The following KLF12 variants were observed in gnomAD, a reference collection of about 807,000 sequenced individuals.
KLF12 encodes KLF transcription factor 12, also known as Krueppel-like factor 12.
Under a neutral mutation model 37.8 loss-of-function variants are expected in KLF12, and 9 were observed. The ratio of observed to expected loss-of-function variants is 0.24; its 90% CI spans 0.14 to 0.42. KLF12 has a LOEUF of 0.42. Among genes scored for constraint, KLF12 ranks in the 10% least tolerant of loss-of-function variants. The pLI is 1.00. For synonymous variants in KLF12, 208 were observed against 202.1 expected, an observed-to-expected ratio of 1.03 and a Z score of -0.25; for missense variants, 411 against 516.0, an observed-to-expected ratio of 0.80 and a Z score of 1.97.
chr13:73,709,063 G>A (rs1297076464), intron 7 of KLF12, among the ~76,000 whole-genome samples: 1 of 152,024 alleles, frequency 6.6e-6, no homozygotes, highest in Non-Finnish European at 1.5e-5. Flanking sequence ...AAAATACTTG[G>A]TCACATCTTC....
intron 4 of KLF12, among the ~76,000 whole-genome samples, chr13:73,815,068 T>A (rs1883142131): frequency 6.6e-6 from 1 of 151,892 alleles, no homozygotes; most frequent in Non-Finnish European, 1.5e-5. Flanking sequence ...CACTGTCATG[T>A]GACTCTGTAC....
At chr13:73,810,986 T>C (rs111548974) in intron 5 of KLF12, among the ~76,000 whole-genome samples, 56 of 50,182 alleles carry the variant, frequency 1.1e-3, no homozygotes, top group African/African-American at 2.4e-3. Flanking sequence ...TTCTTTCTTT[T>C]TTTTTTTTTT....
At position 73,824,307 on chromosome 13, in the gene KLF12, C is replaced by T. The variant is rs569602590; in HGVS notation, c.671-11020G>A. 4.6e-5 allele frequency among the ~76,000 whole-genome samples: 7 copies of T among 152,186 alleles called. No homozygotes were observed. In the South Asian group the frequency reaches 1.5e-3, roughly 32 times the overall value. ...GCAGTCTCACTCATAAACTGACCCCCGGTGCATAGGATTCTAACTTGGAAC... is the reference window on the plus strand; with the variant it reads ...GCAGTCTCACTCATAAACTGACCCCTGGTGCATAGGATTCTAACTTGGAAC... On this transcript the variant is annotated intron_variant, in intron 4 of 7. Transcript: ENST00000377669.
At chr13:73,877,831 A>G (rs567293890) in intron 3 of KLF12, among the ~76,000 whole-genome samples, 7 of 152,170 alleles carry the variant, frequency 4.6e-5, no homozygotes, top group Non-Finnish European at 8.8e-5. Context: ...GTGGTTCCCC[A>G]GCAAAGGCCT....
intron 3 of KLF12, among the ~76,000 whole-genome samples, chr13:73,886,648 G>T (rs1887235028): frequency 6.6e-6 from 1 of 152,066 alleles, no homozygotes; most frequent in Non-Finnish European, 1.5e-5. Context: ...AAAGAAAAAA[G>T]ACAGGAAAAC....
intron 1 of KLF12, among the ~76,000 whole-genome samples, chr13:74,043,217 A>C (rs571942977): frequency 6.6e-6 from 1 of 152,352 alleles, no homozygotes; most frequent in East Asian, 1.9e-4. Flanking sequence ...AAATAAAGAC[A>C]GTAATCCTTT....
At chr13:74,062,205 A>T (rs986205817) in intron 1 of KLF12, among the ~76,000 whole-genome samples, 1 of 152,070 alleles carries the variant, frequency 6.6e-6, no homozygotes, top group Admixed American at 6.6e-5. Context: ...GTAAAAAACG[A>T]CTCATCATGG....
At chr13:74,183,480 C>A in the KLF12 span, among the ~76,000 whole-genome samples, 1 of 152,128 alleles carries the variant, frequency 6.6e-6, no homozygotes, top group Non-Finnish European at 1.5e-5. Flanking sequence ...GACCAACACT[C>A]AGAAAACACT....
the KLF12 span, among the ~76,000 whole-genome samples, chr13:74,139,737 A>C: frequency 6.6e-6 from 1 of 152,150 alleles, no homozygotes; most frequent in Admixed American, 6.5e-5. Flanking sequence ...AATTCACAGC[A>C]AATTTGTTTT....
At chr13:74,047,819 T>C (rs555215076) in intron 1 of KLF12, among the ~76,000 whole-genome samples, 9 of 152,350 alleles carry the variant, frequency 5.9e-5, no homozygotes, top group African/African-American at 2.2e-4. Flanking sequence ...AAACGCTTTT[T>C]TGATTAAACA....
At chr13:74,100,633 A>ATG (rs1367682830) in intron 1 of KLF12, among the ~76,000 whole-genome samples, 20 of 151,782 alleles carry the variant, frequency 1.3e-4, no homozygotes, top group Non-Finnish European at 2.9e-4. Flanking sequence ...ATATATATAT[A>ATG]TGTATAAACA....
Position 73,692,059 on chromosome 13 carries a change from C to T in KLF12, c.*3431G>A, listed in dbSNP as rs1200044903. The T allele has an allele frequency of 7.9e-5, 12 of 152,554 alleles. No homozygotes were observed. The highest frequency in any genetic ancestry group is 7.9e-4 in the Admixed American group (12 of 15,270). The allele number at this position is 152,554 out of a possible 1,614,324, so 9.5% of individuals were successfully genotyped here. A position where few individuals can be genotyped will look rare whatever the true frequency, so the allele number is the denominator to read the frequency against. ...AAAAATGTGGTTTATGTTGCTGTTA[C>T]TCAACTGCTTTTGAAAACAAATGTC... On this transcript the variant is annotated 3_prime_UTR_variant, in exon 8 of 8. Coordinates refer to ENST00000377669, the MANE Select transcript of KLF12 (RefSeq NM_007249.5).
chr13:74,261,767 G>A, the KLF12 span, among the ~76,000 whole-genome samples: 29 of 152,310 alleles, frequency 1.9e-4, 1 homozygote, highest in East Asian at 5.2e-3. Flanking sequence ...GATTTGCTAT[G>A]AAGCCATTTG....
At chr13:74,171,405 G>T in the KLF12 span, among the ~76,000 whole-genome samples, 2 of 152,082 alleles carry the variant, frequency 1.3e-5, no homozygotes, top group African/African-American at 4.8e-5. Flanking sequence ...TAAAAAAGTA[G>T]GCAGTGAGCG....
intron 3 of KLF12, among the ~76,000 whole-genome samples, chr13:73,938,584 G>T (rs1261914075): frequency 1.3e-5 from 2 of 152,188 alleles, no homozygotes; most frequent in African/African-American, 4.8e-5. Flanking sequence ...AGATGATGAG[G>T]AATAACAAGA....
chr13:73,768,060 G>T (rs564454777), intron 5 of KLF12, among the ~76,000 whole-genome samples: 1 of 152,226 alleles, frequency 6.6e-6, no homozygotes, highest in South Asian at 2.1e-4. Flanking sequence ...CATCCCAAAT[G>T]GAATTAGGAT....
intron 7 of KLF12, among the ~76,000 whole-genome samples, chr13:73,708,914 G>C (rs1286617204): frequency 6.6e-6 from 1 of 152,144 alleles, no homozygotes; most frequent in Non-Finnish European, 1.5e-5. Context: ...TTCATGTACA[G>C]AGACCCACAA....
chr13:73,860,260 C>T (rs563682510), intron 3 of KLF12, among the ~76,000 whole-genome samples: 1 of 152,342 alleles, frequency 6.6e-6, no homozygotes, highest in African/African-American at 2.4e-5. Context: ...TTCCAAAGCA[C>T]TCTGAACTTT....
At chr13:73,762,692 T>C (rs1255744104) in intron 6 of KLF12, among the ~76,000 whole-genome samples, 2 of 152,136 alleles carry the variant, frequency 1.3e-5, no homozygotes, top group Admixed American at 6.6e-5. Context: ...ACCCAGTTGA[T>C]AGATGGGGGA....
Sources: allele counts gnomAD v4.1 joint callset (sites outside exome capture counted in the v4.1 genomes callset), GRCh38; gene constraint gnomAD v4.1.1; transcripts MANE v1.5; gene names NCBI Gene and HGNC (gene_info 2026-07-23, HGNC 2026-07-21).